The following SAMMSON variants were observed in gnomAD, a reference collection of about 807,000 sequenced individuals.
The protein encoded by SAMMSON is survival associated mitochondrial melanoma specific oncogenic non-coding RNA, also known as long intergenic non-protein coding RNA 1212.
chr3:70,109,174 T>C (rs960977664), intron 4 of SAMMSON, among the ~76,000 whole-genome samples: 2 of 152,124 alleles, frequency 1.3e-5, no homozygotes, highest in Non-Finnish European at 2.9e-5. Context: ...GAGTCACTTA[T>C]TGAGACATCT....
At chr3:70,165,329 G>A (rs1042576437) in intron 4 of SAMMSON, among the ~76,000 whole-genome samples, 2 of 151,938 alleles carry the variant, frequency 1.3e-5, no homozygotes, top group Non-Finnish European at 2.9e-5. Flanking sequence ...TAATCTGTTG[G>A]TATTAGAGAT....
intron 7 of SAMMSON, among the ~76,000 whole-genome samples, chr3:70,344,601 T>G (rs1702735850): frequency 6.6e-6 from 1 of 152,198 alleles, no homozygotes; most frequent in South Asian, 2.1e-4. Context: ...ACAACAAGGC[T>G]AAAAGAATGC....
chr3:70,017,744 T>C (rs1486599785), intron 3 of SAMMSON, among the ~76,000 whole-genome samples: 1 of 152,168 alleles, frequency 6.6e-6, no homozygotes, highest in African/African-American at 2.4e-5. Context: ...TCTTATTATT[T>C]TGAGAAACAT....
rs567644854 is a variant in SAMMSON at position 70,155,570 on chromosome 3, G to C, written n.507+84005G>C. Among the ~76,000 whole-genome samples, 5 of 152,172 alleles carry C rather than the reference G, an allele frequency of 3.3e-5. No homozygotes were observed. The East Asian group carries it at 5.8e-4, about 18-fold the overall frequency. The stretch of plus-strand genomic sequence containing the variant: ...AGAATTTAACAGCATGGTGTTATCT[G>C]AGGATGATATATTTTATATACTCAA... On this transcript the variant is annotated intron_variant and non_coding_transcript_variant, in intron 4 of 9. Transcript: ENST00000642114.
At chr3:70,048,792 C>A (rs963457887) in intron 3 of SAMMSON, among the ~76,000 whole-genome samples, 1 of 151,984 alleles carries the variant, frequency 6.6e-6, no homozygotes, top group Admixed American at 6.6e-5. Context: ...GTGAATTGGT[C>A]GCTCTTATAG....
chr3:70,424,485 G>A (rs1369052094), intron 2 of SAMMSON, among the ~76,000 whole-genome samples: 1 of 151,364 alleles, frequency 6.6e-6, no homozygotes, highest in Non-Finnish European at 1.5e-5. Context: ...TAAATACCAA[G>A]TTTTTTTTTA....
chr3:70,019,218 A>C (rs2066999999), intron 3 of SAMMSON, among the ~76,000 whole-genome samples: 1 of 152,134 alleles, frequency 6.6e-6, no homozygotes, highest in African/African-American at 2.4e-5. Flanking sequence ...TGGGAGTCTA[A>C]GTCTGTTTCT....
chr3:70,033,808 A>C (rs1393443346), intron 3 of SAMMSON, among the ~76,000 whole-genome samples: 1 of 152,128 alleles, frequency 6.6e-6, no homozygotes, highest in Non-Finnish European at 1.5e-5. Context: ...GGTGAAGTTC[A>C]AGTTGTCATC....
intron 9 of SAMMSON, among the ~76,000 whole-genome samples, chr3:70,370,684 GTTGT>G (rs1481836156): frequency 6.6e-6 from 1 of 151,626 alleles, no homozygotes; most frequent in East Asian, 1.9e-4. Context: ...TTCTTATTGG[GTTGT>G]TTGAGTTCCT....
downstream of SAMMSON, among the ~76,000 whole-genome samples, chr3:70,393,908 G>A (rs1311208587): frequency 6.6e-6 from 1 of 152,170 alleles, no homozygotes; most frequent in South Asian, 2.1e-4. Flanking sequence ...ACGTTGGGAA[G>A]TGGCATGATT....
chr3:70,332,901 G>C (rs1439163088), intron 7 of SAMMSON: 1 of 152,248 alleles, frequency 6.6e-6, no homozygotes, highest in Non-Finnish European at 1.5e-5. Context: ...GCTGGCACCA[G>C]GTAAGTTCTT....
intron 9 of SAMMSON, among the ~76,000 whole-genome samples, chr3:70,386,320 A>G (rs1205544262): frequency 1.3e-5 from 2 of 152,184 alleles, no homozygotes; most frequent in African/African-American, 2.4e-5. Context: ...AGAAACCACT[A>G]TTATTCCCCA....
In SAMMSON at chr3:70,064,724, C is replaced by T. The variant is rs550814404; in HGVS notation, n.418-6752C>T. Among the ~76,000 whole-genome samples the T allele has an allele frequency of 1.9e-4, 29 of 152,118 alleles. No homozygotes were observed. In the South Asian group the frequency reaches 2.5e-3, roughly 13 times the overall value. On this transcript the variant is annotated intron_variant and non_coding_transcript_variant, in intron 3 of 9. Coordinates refer to ENST00000642114, the Ensembl canonical transcript of SAMMSON. ...CACAAAACATGCCAAGAAGTCATGG[C>T]GCGTCTTTGCTATTGGATGAGTCAT...
chr3:70,206,445 A>G (rs1339224553), intron 4 of SAMMSON: 4 of 394,512 alleles, frequency 1.0e-5, no homozygotes, highest in Non-Finnish European at 1.8e-5. Context: ...GAGTTTTCAA[A>G]TCGAAGTCTT....
rs1241286766 is a variant in SAMMSON, at chr3:70,127,662, G to C, written n.507+56097G>C. ...CCCACATTTTGTTCTATTTTTTTGA[G>C]ACAAAATCTTGCTCTGTCACCCAGG... is the stretch of plus-strand genomic sequence containing the variant. On this transcript the variant is annotated intron_variant and non_coding_transcript_variant, in intron 4 of 9. Transcript: ENST00000642114. 2.7e-5 allele frequency: 4 copies of C among 150,554 alleles called. No individual in the cohort carries two copies. The East Asian group carries it at 7.9e-4, about 30-fold the overall frequency. 9.3% of individuals were successfully genotyped at this position (150,554 alleles called of 1,614,324 possible).
chr3:70,051,431 C>T (rs903120628), intron 3 of SAMMSON, among the ~76,000 whole-genome samples: 18 of 143,320 alleles, frequency 1.3e-4, no homozygotes, highest in East Asian at 9.0e-4. Flanking sequence ...AAAGTAAGTG[C>T]GGTTTTTGCC....
intron 4 of SAMMSON, among the ~76,000 whole-genome samples, chr3:70,121,374 G>A (rs2106667127): frequency 6.6e-6 from 1 of 152,194 alleles, no homozygotes; most frequent in Middle Eastern, 3.4e-3. Context: ...CATAAGCCCT[G>A]AGTAGGAGGA....
chr3:70,299,140 CATAGGTA>C (rs1702320378), intron 7 of SAMMSON, among the ~76,000 whole-genome samples: 1 of 152,082 alleles, frequency 6.6e-6, no homozygotes, highest in South Asian at 2.1e-4. Flanking sequence ...AATATCCAAA[CATAGGTA>C]ATTGGTTACA....
At chr3:70,236,074 C>G (rs193077318) in intron 4 of SAMMSON, among the ~76,000 whole-genome samples, 144 of 152,168 alleles carry the variant, frequency 9.5e-4, no homozygotes, top group African/African-American at 3.3e-3. Context: ...TTCCCACGAC[C>G]TTGGCTTTAG....
Sources: allele counts gnomAD v4.1 joint callset (sites outside exome capture counted in the v4.1 genomes callset), GRCh38; gene constraint gnomAD v4.1.1; transcripts MANE v1.5; gene names NCBI Gene and HGNC (gene_info 2026-07-23, HGNC 2026-07-21).